The following BCAR3 variants were observed in gnomAD, a reference collection of about 807,000 sequenced individuals.
The protein encoded by BCAR3 is BCAR3 adaptor protein, NSP family member, also known as breast cancer anti-estrogen resistance protein 3.
In BCAR3, 37 loss-of-function variants were observed where a neutral mutation model predicts 80.1. The ratio of observed to expected loss-of-function variants is 0.46; its 90% confidence interval spans 0.36 to 0.61. BCAR3 has a LOEUF of 0.61. Among genes scored for constraint, BCAR3 ranks in the 20% least tolerant of loss-of-function variants. The probability of loss-of-function intolerance (pLI) is 0.00; values close to 1 mark genes in which losing one functional copy is unlikely to be tolerated. For missense variants in BCAR3, 978 were observed against 1,068.2 expected (o/e 0.92, Z 1.18); for synonymous variants, 389 against 418.9 (o/e 0.93, Z 0.87).
At chr1:93,599,317 A>G (rs1259229732) in intron 3 of BCAR3, 1 of 152,230 alleles carries the variant, frequency 6.6e-6, no homozygotes, top group Non-Finnish European at 1.5e-5. Flanking sequence ...CAAGAGATGG[A>G]AAGTGACCTC....
At chr1:93,601,259 A>T (rs1270876287) in intron 3 of BCAR3, among the ~76,000 whole-genome samples, 1 of 152,234 alleles carries the variant, frequency 6.6e-6, no homozygotes, top group Non-Finnish European at 1.5e-5. Context: ...AAGAAAAAAA[A>T]TTACAAAATC....
At chr1:93,610,193 T>C (rs1674908010) in intron 3 of BCAR3, among the ~76,000 whole-genome samples, 1 of 152,318 alleles carries the variant, frequency 6.6e-6, no homozygotes, top group South Asian at 2.1e-4. Flanking sequence ...GTGCCTCAAA[T>C]ACTTATTAAC....
chr1:93,662,610 T>G (rs914165284), intron 2 of BCAR3, among the ~76,000 whole-genome samples: 23 of 152,180 alleles, frequency 1.5e-4, no homozygotes, highest in African/African-American at 5.3e-4. Context: ...TCCAGCGTGC[T>G]TCCTGTATTA....
intron 2 of BCAR3, among the ~76,000 whole-genome samples, chr1:93,809,408 G>C (rs1653753485): frequency 6.6e-6 from 1 of 152,026 alleles, no homozygotes; most frequent in Admixed American, 6.6e-5. Context: ...GTGGTGGTGG[G>C]GGGAGTCGTG....
At chr1:93,639,538 G>C (rs531093335) in intron 3 of BCAR3, among the ~76,000 whole-genome samples, 1 of 147,854 alleles carries the variant, frequency 6.8e-6, no homozygotes, top group East Asian at 2.0e-4. Context: ...GTGCAATCGT[G>C]CGACTTCAGC....
chr1:93,845,491 T>TCATGTTGTCAAGAA (rs1202474934), intron 2 of BCAR3: 2 of 16,284 alleles, frequency 1.2e-4, no homozygotes, highest in African/African-American at 1.5e-4. Flanking sequence ...TATATATATA[T>TCATGTTGTCAAGAA]ATATATATAT....
chr1:93,777,649 T>C (rs1217838690), intron 2 of BCAR3, among the ~76,000 whole-genome samples: 1 of 152,096 alleles, frequency 6.6e-6, no homozygotes. Flanking sequence ...GGTGGCAAAC[T>C]CCTGGGCTCA....
At chr1:93,567,883 C>CT (rs1388834454) in intron 9 of BCAR3, 32 bp from the exon 10 acceptor site, 4 of 1,572,688 alleles carry the variant, frequency 2.5e-6, no homozygotes, top group Non-Finnish European at 3.5e-6. Flanking sequence ...GGAAAAGGTT[C>CT]TTTTTAAAAT....
At chr1:93,579,849 T>C (rs1346977001) in intron 7 of BCAR3, among the ~76,000 whole-genome samples, 2 of 152,256 alleles carry the variant, frequency 1.3e-5, no homozygotes, top group Non-Finnish European at 2.9e-5. Flanking sequence ...TGCTCTCAGA[T>C]TCAGGGCCCA....
chr1:93,714,870 T>C (rs1039693467), intron 2 of BCAR3, among the ~76,000 whole-genome samples: 4 of 152,250 alleles, frequency 2.6e-5, no homozygotes, highest in African/African-American at 9.6e-5. Context: ...GCTTCTGTCA[T>C]ATCCATTTTC....
intron 2 of BCAR3, among the ~76,000 whole-genome samples, chr1:93,751,073 C>T (rs192608673): frequency 2.0e-5 from 3 of 152,294 alleles, no homozygotes; most frequent in Admixed American, 1.3e-4. Flanking sequence ...CCCGGCACAC[C>T]GGCAAGCCCT....
intron 3 of BCAR3, among the ~76,000 whole-genome samples, chr1:93,698,927 C>T (rs1649530529): frequency 6.6e-6 from 1 of 152,212 alleles, no homozygotes; most frequent in African/African-American, 2.4e-5. Flanking sequence ...GCTAACAGCA[C>T]ACAACACAAG....
chr1:93,770,723 G>C (rs1557682777), intron 2 of BCAR3, among the ~76,000 whole-genome samples: 1 of 152,182 alleles, frequency 6.6e-6, no homozygotes, highest in Non-Finnish European at 1.5e-5. Flanking sequence ...ACTAGTCATA[G>C]GCAAGGAGTT....
chr1:93,801,491 C>G (rs1397084003), intron 2 of BCAR3, among the ~76,000 whole-genome samples: 1 of 152,346 alleles, frequency 6.6e-6, no homozygotes, highest in East Asian at 1.9e-4. Context: ...CAAATATTGT[C>G]TAAAACCCTT....
intron 5 of BCAR3, among the ~76,000 whole-genome samples, chr1:93,587,129 G>C (rs192468665): frequency 1.6e-4 from 25 of 152,198 alleles, no homozygotes; most frequent in Admixed American, 9.8e-4. Context: ...CAAATCTTTT[G>C]CCCATTTTAA....
intron 2 of BCAR3, among the ~76,000 whole-genome samples, chr1:93,649,391 A>G (rs1676251363): frequency 6.6e-6 from 1 of 152,252 alleles, no homozygotes; most frequent in Non-Finnish European, 1.5e-5. Context: ...ACCCACACAC[A>G]GCACCTGGCT....
intron 3 of BCAR3, among the ~76,000 whole-genome samples, chr1:93,628,153 A>G (rs376566717): frequency 3.9e-5 from 6 of 152,110 alleles, no homozygotes; most frequent in African/African-American, 1.4e-4. Context: ...CAACAGCACC[A>G]TCCTACCAGT....
intron 2 of BCAR3, among the ~76,000 whole-genome samples, chr1:93,660,728 T>C (rs1647608760): frequency 6.6e-6 from 1 of 152,252 alleles, no homozygotes; most frequent in Non-Finnish European, 1.5e-5. Flanking sequence ...TTTGTTTGTT[T>C]GTTTGATACA....
chr1:93,690,585 A>G (rs1478554931), intron 3 of BCAR3, among the ~76,000 whole-genome samples: 3 of 152,194 alleles, frequency 2.0e-5, no homozygotes, highest in Non-Finnish European at 4.4e-5. Context: ...GACTAAATAA[A>G]CAAATAGCAC....
Sources: gnomAD v4.1 joint callset for allele counts (sites outside exome capture counted in the v4.1 genomes callset) on GRCh38, gnomAD v4.1.1 for gene constraint, MANE v1.5 for transcripts, NCBI Gene and HGNC (gene_info 2026-07-23, HGNC 2026-07-21) for gene names.